The following EXOC4 variants were observed in gnomAD, a reference collection of about 807,000 sequenced individuals.
EXOC4 encodes the protein SEC8-like 1.
In EXOC4, 71 loss-of-function variants were observed where a neutral mutation model predicts 107.2. The observed-to-expected ratio is 0.66, with a 90% CI of 0.55 to 0.81. The LOEUF is 0.81. Ranked by LOEUF, EXOC4 falls within the 30% of genes least tolerant of loss-of-function variation. EXOC4 has a pLI of 0.00. For missense variants in EXOC4, 1,108 were observed against 1,189.6 expected (o/e 0.93, Z 1.01); for synonymous variants, 456 against 441.2 (o/e 1.03, Z -0.42).
chr7:133,305,753 T>C lies in EXOC4; in HGVS notation c.472-124T>C, dbSNP rs537321824. 3 of 757,346 alleles carry C rather than the reference T, an allele frequency of 4.0e-6. No individual in the cohort carries two copies. The South Asian group carries it at 6.6e-5, about 17-fold the overall frequency. 46.9% of individuals were successfully genotyped at this position (757,346 alleles called of 1,614,324 possible). A position where few individuals can be genotyped will look rare whatever the true frequency, so the allele number is the denominator to read the frequency against. On this transcript the variant is annotated intron_variant, in intron 3 of 17. Transcript: ENST00000253861. ...CCACATTATACTCTACGAAGTCTTT[T>C]ATATGCTGATAAAGTTCTCGTAAGC...
At chr7:133,460,172 A>C (rs963692278) in intron 7 of EXOC4, among the ~76,000 whole-genome samples, 8 of 152,258 alleles carry the variant, frequency 5.3e-5, no homozygotes, top group African/African-American at 1.9e-4. Flanking sequence ...TATTAGTTAG[A>C]TTCTCGTAAG....
intron 5 of EXOC4, among the ~76,000 whole-genome samples, chr7:133,322,313 A>G (rs1465207095): frequency 3.3e-5 from 5 of 152,086 alleles, no homozygotes; most frequent in Non-Finnish European, 7.4e-5. Flanking sequence ...CCTGAATGGT[A>G]TTGCCCAGGT....
intron 6 of EXOC4, among the ~76,000 whole-genome samples, chr7:133,372,171 T>G (rs1796391351): frequency 6.6e-6 from 1 of 152,252 alleles, no homozygotes; most frequent in Admixed American, 6.5e-5. Flanking sequence ...TATTGCCTTT[T>G]TACTTTCTTG....
chr7:133,530,648 T>G (rs1359828497), intron 9 of EXOC4, among the ~76,000 whole-genome samples: 1 of 152,168 alleles, frequency 6.6e-6, no homozygotes, highest in Non-Finnish European at 1.5e-5. Context: ...TAAAGAGAAA[T>G]GAAAGCACAT....
chr7:133,552,110 TA>T (rs1240451602), intron 9 of EXOC4, among the ~76,000 whole-genome samples: 16 of 152,276 alleles, frequency 1.1e-4, no homozygotes, highest in African/African-American at 3.9e-4. Context: ...ATATAAAAAG[TA>T]ATAAAACTGG....
intron 10 of EXOC4, among the ~76,000 whole-genome samples, chr7:133,692,776 G>C (rs903778177): frequency 2.0e-5 from 3 of 152,148 alleles, no homozygotes; most frequent in African/African-American, 7.2e-5. Context: ...GTTTTTATTC[G>C]AGAGTTTTCC....
chr7:133,420,731 A>G (rs915909539), intron 7 of EXOC4, among the ~76,000 whole-genome samples: 2 of 152,022 alleles, frequency 1.3e-5, no homozygotes, highest in Non-Finnish European at 2.9e-5. Context: ...ACTGTTACAG[A>G]TGGTAGGTGC....
At chr7:133,584,007 G>A (rs1229033364) in intron 9 of EXOC4, among the ~76,000 whole-genome samples, 1 of 152,138 alleles carries the variant, frequency 6.6e-6, no homozygotes, top group African/African-American at 2.4e-5. Context: ...GGTTATAAAG[G>A]ACAAGGAGGA....
intron 9 of EXOC4, among the ~76,000 whole-genome samples, chr7:133,589,052 A>G (rs1801479116): frequency 6.6e-6 from 1 of 152,136 alleles, no homozygotes; most frequent in Non-Finnish European, 1.5e-5. Flanking sequence ...ATAAAAATAT[A>G]AACTTTATTT....
At chr7:133,351,018 T>C (rs1795897407) in intron 5 of EXOC4, among the ~76,000 whole-genome samples, 1 of 152,008 alleles carries the variant, frequency 6.6e-6, no homozygotes, top group South Asian at 2.1e-4. Flanking sequence ...ATTTTTATAA[T>C]TTCCTTTTGA....
intron 10 of EXOC4, among the ~76,000 whole-genome samples, chr7:133,816,407 C>T (rs1327664078): frequency 3.3e-5 from 5 of 152,068 alleles, no homozygotes; most frequent in Admixed American, 1.3e-4. Context: ...CAATCATTAA[C>T]ATTCTGTTAT....
At chr7:133,568,908 T>A (rs1039288923) in intron 9 of EXOC4, among the ~76,000 whole-genome samples, 2 of 152,190 alleles carry the variant, frequency 1.3e-5, no homozygotes, top group Admixed American at 1.3e-4. Flanking sequence ...ACAGTCTGAA[T>A]TAGAATGTTG....
intron 9 of EXOC4, among the ~76,000 whole-genome samples, chr7:133,598,639 G>A (rs1279018296): frequency 6.6e-6 from 1 of 152,156 alleles, no homozygotes; most frequent in Non-Finnish European, 1.5e-5. Flanking sequence ...ATACAGATCA[G>A]GTATTTCCGA....
chr7:133,808,464 T>G (rs926618839), intron 10 of EXOC4, among the ~76,000 whole-genome samples: 3 of 152,224 alleles, frequency 2.0e-5, no homozygotes, highest in African/African-American at 7.2e-5. Flanking sequence ...TGAATATATC[T>G]CAAATCAATT....
rs565247336 is a variant in EXOC4, at chr7:133,319,640, C to T, written c.763+2250C>T. ...AAGTAGCTGGGATTACAGGCGTGCA[C>T]CACCACACCCAGCTAATTTTTGTAG... is the stretch of plus-strand genomic sequence containing the variant. On this transcript the variant is annotated intron_variant, in intron 5 of 17. Transcript: ENST00000253861. 3.3e-5 allele frequency among the ~76,000 whole-genome samples: 5 copies of T among 152,178 alleles called. No individual in the cohort carries two copies. The East Asian group carries it at 7.7e-4, about 24-fold the overall frequency.
At chr7:134,059,409 A>G (rs185004724) in intron 17 of EXOC4, among the ~76,000 whole-genome samples, 3 of 152,310 alleles carry the variant, frequency 2.0e-5, no homozygotes, top group Non-Finnish European at 2.9e-5. Flanking sequence ...CTAATACTCA[A>G]AGATAAAAAG....
intron 10 of EXOC4, among the ~76,000 whole-genome samples, chr7:133,760,093 C>T (rs948001213): frequency 4.6e-5 from 7 of 152,104 alleles, no homozygotes; most frequent in African/African-American, 1.7e-4. Context: ...TGCTGTTGTG[C>T]TGCTTAGTTC....
intron 7 of EXOC4, among the ~76,000 whole-genome samples, chr7:133,464,456 C>T (rs1048685659): frequency 1.7e-4 from 26 of 152,128 alleles, no homozygotes; most frequent in Non-Finnish European, 3.4e-4. Flanking sequence ...TAAAGGAGTT[C>T]TCCAAGTGAT....
chr7:133,842,891 T>C (rs1798050852), intron 11 of EXOC4, among the ~76,000 whole-genome samples: 1 of 152,184 alleles, frequency 6.6e-6, no homozygotes, highest in Non-Finnish European at 1.5e-5. Context: ...ATTTATCGAA[T>C]AGGGAGTCCA....
Sources: allele counts gnomAD v4.1 joint callset (sites outside exome capture counted in the v4.1 genomes callset), GRCh38; gene constraint gnomAD v4.1.1; transcripts MANE v1.5; gene names NCBI Gene and HGNC (gene_info 2026-07-23, HGNC 2026-07-21).